Variants in NECTIN3 observed in about 807,000 individuals in gnomAD.
The protein encoded by NECTIN3 is nectin cell adhesion molecule 3, also known as nectin-3.
NECTIN3 carries 8 observed loss-of-function variants against 49.4 expected under a neutral mutation model. The observed-to-expected ratio is 0.16, with a 90% CI of 0.10 to 0.29. NECTIN3 has a LOEUF of 0.29. Ranked by LOEUF, NECTIN3 falls within the 10% of genes least tolerant of loss-of-function variation. The pLI is 1.00. For missense variants in NECTIN3, 581 were observed against 654.6 expected (o/e 0.89, Z 1.23); for synonymous variants, 277 against 241.1 (o/e 1.15, Z -1.38).
chr3:111,109,054 G>T (rs965950932), intron 1 of NECTIN3, among the ~76,000 whole-genome samples: 3 of 152,144 alleles, frequency 2.0e-5, no homozygotes, highest in Non-Finnish European at 4.4e-5. Context: ...AGCAGATCCA[G>T]TTCTTGATGA....
chr3:111,125,010 C>T (rs1379446022), intron 4 of NECTIN3, among the ~76,000 whole-genome samples: 6 of 141,924 alleles, frequency 4.2e-5, no homozygotes, highest in African/African-American at 1.6e-4. Context: ...ACTTTTTAAT[C>T]TTCTTTTCTT....
chr3:111,075,799 C>T (rs897539066), intron 1 of NECTIN3, among the ~76,000 whole-genome samples: 13 of 152,012 alleles, frequency 8.6e-5, no homozygotes, highest in African/African-American at 3.1e-4. Flanking sequence ...TTGACTATTC[C>T]CTTAATGATG....
In NECTIN3 at chr3:111,186,940, A is replaced by G. The variant is rs185337453; in HGVS notation, c.1222-5411A>G. Among the ~76,000 whole-genome samples, 10 of 152,336 alleles carry G rather than the reference A, an allele frequency of 6.6e-5. No individual in the cohort carries two copies. The East Asian group carries it at 1.9e-3, about 29-fold the overall frequency. ...TATTATAGTTTTATTCAGTACATAT[A>G]TATTAGTCACCAAACATATGTACAG... On this transcript the variant is annotated intron_variant, in intron 7 of 8. Coordinates refer to the NECTIN3 transcript ENST00000493615.
chr3:111,183,078 G>A (rs1026424671), intron 7 of NECTIN3, among the ~76,000 whole-genome samples: 5 of 151,564 alleles, frequency 3.3e-5, no homozygotes, highest in East Asian at 2.0e-4. Context: ...ATTTTAATAT[G>A]CATTTCAATT....
chr3:111,151,340 A>G (rs867904383), intron 7 of NECTIN3, among the ~76,000 whole-genome samples: 5 of 152,028 alleles, frequency 3.3e-5, no homozygotes, highest in Middle Eastern at 3.4e-3. Flanking sequence ...TTTCTGCATC[A>G]TTTATAATAT....
intron 1 of NECTIN3, among the ~76,000 whole-genome samples, chr3:111,077,600 A>G (rs2031308304): frequency 6.6e-6 from 1 of 152,132 alleles, no homozygotes; most frequent in Admixed American, 6.6e-5. Context: ...CTAGATCAAC[A>G]ATTTTTGTAA....
chr3:111,111,898 CATGT>C (rs1410201570), intron 1 of NECTIN3, 128 bp from the exon 2 acceptor site: 15 of 418,914 alleles, frequency 3.6e-5, no homozygotes, highest in African/African-American at 1.3e-4. Context: ...TGTGTGTGTG[CATGT>C]GTGTGTGTGT....
chr3:111,138,118 T>C (rs991957826), downstream of NECTIN3, among the ~76,000 whole-genome samples: 5 of 151,692 alleles, frequency 3.3e-5, no homozygotes, highest in Non-Finnish European at 7.4e-5. Flanking sequence ...TTTCTTAAGT[T>C]GACATTTAGT....
At chr3:111,126,147 A>C in intron 4 of NECTIN3, 37 bp from the exon 5 acceptor site, 2 of 1,435,938 alleles carry the variant, frequency 1.4e-6, no homozygotes, top group Non-Finnish European at 1.9e-6. Flanking sequence ...TATAGTCTGA[A>C]GATATTTAAA....
chr3:111,109,306 C>T (rs1384073348), intron 1 of NECTIN3, among the ~76,000 whole-genome samples: 1 of 152,124 alleles, frequency 6.6e-6, no homozygotes, highest in Non-Finnish European at 1.5e-5. Context: ...CATAAAACTT[C>T]TCTTACTCCC....
chr3:111,122,221 C>G lies in NECTIN3; in HGVS notation c.900C>G (p.Phe300Leu). 1.2e-6 allele frequency: 2 copies of G among 1,609,466 alleles called. No individual in the cohort carries two copies. ...ATGCTGATGCAAATCCACCACCCTTCAAATCTGTGTGGAGCAGGTAATGTT... is the reference window on the plus strand; with the variant it reads ...ATGCTGATGCAAATCCACCACCCTTGAAATCTGTGTGGAGCAGGTAATGTT... ...KCNADANPPP[F>L]KSVWSRLDGQ... Residue 300 changes from phenylalanine (F) to leucine (L), a missense_variant, in exon 4 of 6, where the codon TTC becomes TTG. Phe to Leu is a conservative substitution (Grantham distance 22). Around this residue, in one of 3 missense-constraint regions of NECTIN3, gnomAD observed 234 missense variants for 340.6 expected, o/e 0.69. Coordinates refer to ENST00000485303, the MANE Select transcript of NECTIN3 (RefSeq NM_015480.3).
At chr3:111,160,880 A>G (rs1420740809) in intron 7 of NECTIN3, among the ~76,000 whole-genome samples, 1 of 152,090 alleles carries the variant, frequency 6.6e-6, no homozygotes, top group Non-Finnish European at 1.5e-5. Flanking sequence ...GTTGGTGGGC[A>G]GCTGTAGTCC....
At chr3:111,192,928 G>A (rs144937262) in intron 1 of NECTIN3, among the ~76,000 whole-genome samples, 375 of 152,200 alleles carry the variant, frequency 2.5e-3, no homozygotes, top group African/African-American at 8.5e-3. Flanking sequence ...TTAACTGATA[G>A]CAACTCCAAA....
chr3:111,161,066 A>G (rs986615401), intron 7 of NECTIN3, among the ~76,000 whole-genome samples: 24 of 152,258 alleles, frequency 1.6e-4, no homozygotes, highest in African/African-American at 5.5e-4. Flanking sequence ...GAGAATGAAT[A>G]TATCTCTAGT....
chr3:111,175,460 A>G (rs1262033686), intron 7 of NECTIN3, among the ~76,000 whole-genome samples: 2 of 152,032 alleles, frequency 1.3e-5, no homozygotes, highest in African/African-American at 4.8e-5. Context: ...CTTGTGTTCA[A>G]ATTGCCTCGC....
upstream of NECTIN3, among the ~76,000 whole-genome samples, chr3:111,188,856 T>C (rs989658792): frequency 1.3e-5 from 2 of 152,148 alleles, no homozygotes; most frequent in African/African-American, 4.8e-5. Context: ...AAATTTACCA[T>C]TGGGAATTTT....
Position 111,134,474 on chromosome 3 carries a change from A to G in NECTIN3, c.*259A>G. 9.0e-7 allele frequency: 1 copy of G among 1,117,240 alleles called. No homozygotes were observed. Among genetic ancestry groups the G allele is most frequent in the Non-Finnish European group, 1.1e-6 (1 of 913,234 alleles). The allele number at this position is 1,117,240 out of a possible 1,614,324, so 69.2% of individuals were successfully genotyped here. A position where few individuals can be genotyped will look rare whatever the true frequency, so the allele number is the denominator to read the frequency against. On this transcript the variant is annotated 3_prime_UTR_variant, in exon 6 of 6. Coordinates refer to ENST00000485303, the MANE Select transcript of NECTIN3 (RefSeq NM_015480.3). ...GCAGAGTACTTTATTGGTGTGAGGC[A>G]CACAGGTAAGAAGAAATGTCAACAT...
chr3:111,089,263 T>C (rs1388110941), intron 1 of NECTIN3, among the ~76,000 whole-genome samples: 1 of 152,072 alleles, frequency 6.6e-6, no homozygotes, highest in African/African-American at 2.4e-5. Flanking sequence ...CATTGTTGAT[T>C]CTATTTTATG....
intron 1 of NECTIN3, among the ~76,000 whole-genome samples, chr3:111,098,928 T>TAAA (rs371816550): frequency 7.2e-6 from 1 of 139,824 alleles, no homozygotes; most frequent in African/African-American, 2.6e-5. Context: ...AACGTTAGTT[T>TAAA]AAAAAAAAAA....
Sources: gnomAD v4.1 joint callset for allele counts (sites outside exome capture counted in the v4.1 genomes callset) on GRCh38, gnomAD v4.1.1 for gene constraint, gnomAD v4.1.1 regional missense constraint, MANE v1.5 for transcripts, NCBI Gene and HGNC (gene_info 2026-07-23, HGNC 2026-07-21) for gene names.